Variants in ATG16L2 observed in about 807,000 individuals in gnomAD.
ATG16L2 encodes the protein protein Atg16l2.
In ATG16L2, 77 loss-of-function variants were observed where a neutral mutation model predicts 84.7. The observed-to-expected ratio is 0.91, with a 90% confidence interval of 0.76 to 1.10. The LOEUF (loss-of-function observed/expected upper bound fraction) is 1.10, where lower values mean the gene tolerates loss of function less well. Among genes scored for constraint, ATG16L2 ranks in the 50% least tolerant of loss-of-function variants. ATG16L2 has a pLI of 0.00. For synonymous variants in ATG16L2, 361 were observed against 342.8 expected, an observed-to-expected ratio of 1.05 and a Z score of -0.59; for missense variants, 782 against 817.6, an observed-to-expected ratio of 0.96 and a Z score of 0.53.
At chr11:72,828,280 C>T in intron 14 of ATG16L2, 79 bp from the exon 15 acceptor site, 2 of 1,541,138 alleles carry the variant, frequency 1.3e-6, no homozygotes, top group Non-Finnish European at 8.9e-7. Context: ...GCTAGGAAGG[C>T]TGCTGCGCCT....
chr11:72,842,906 C>T (rs1005331492), exon 6 of ATG16L2: 2 of 1,234,732 alleles, frequency 1.6e-6, no homozygotes, highest in Non-Finnish European at 2.3e-6. Context: ...TGCAACCACC[C>T]CTATGCTCAC....
chr11:72,840,778 T>C lies in ATG16L2; in HGVS notation c.*22-1839T>C, dbSNP rs59059938. 7,607 of 826,002 alleles carry C rather than the reference T, an allele frequency of 9.2e-3. 420 individuals carry two copies. The African/African-American group carries it at 0.12, about 13-fold the overall frequency. The allele number at this position is 826,002 out of a possible 1,614,324, so 51.2% of individuals were successfully genotyped here. Reference sequence around the variant, plus strand: ...AAACCCAGTTCATCCTTGTTTGGCATAGTCAGTAACAACACAGGGGCCACG... The same window carrying C: ...AAACCCAGTTCATCCTTGTTTGGCACAGTCAGTAACAACACAGGGGCCACG... On this transcript the variant is annotated intron_variant, in intron 5 of 5. Transcript: ENST00000534905.
At chr11:72,823,418 TGGG>T in intron 7 of ATG16L2, 1 of 334,208 alleles carries the variant, frequency 3.0e-6, no homozygotes, top group South Asian at 2.3e-5. Context: ...CTCACACTTG[TGGG>T]ACCTGATTGG....
intron 8 of ATG16L2, 165 bp downstream of exon 8, chr11:72,824,287 C>T: frequency 1.3e-6 from 1 of 770,772 alleles, no homozygotes; most frequent in Non-Finnish European, 2.2e-6. Flanking sequence ...GGCCTCAGCC[C>T]CGGCCCCGGT....
Position 72,816,076 on chromosome 11 carries a change from T to A in ATG16L2, c.119-652T>A, listed in dbSNP as rs1176572098. The stretch of plus-strand genomic sequence containing the variant: ...TCACTGCAAGCTCTGCCTCCCAAGT[T>A]CACGCCTGTCTCCCGTCTCAGCCTC... On this transcript the variant is annotated intron_variant, in intron 1 of 17. Transcript: ENST00000321297. 8 of 152,594 alleles carry A rather than the reference T, an allele frequency of 5.2e-5. No homozygotes were observed. In the East Asian group the frequency reaches 1.5e-3, roughly 29 times the overall value. 9.5% of individuals were successfully genotyped at this position (152,594 alleles called of 1,614,324 possible). A position where few individuals can be genotyped will look rare whatever the true frequency, so the allele number is the denominator to read the frequency against.
At chr11:72,829,678 C>T (rs550910665), downstream of ATG16L2, 6 of 1,142,818 alleles carry the variant, frequency 5.3e-6, no homozygotes, top group Middle Eastern at 3.7e-4. Flanking sequence ...GTACAGAGAC[C>T]TTTGGGCTAG....
chr11:72,827,512 G>A (rs562368470), intron 14 of ATG16L2, among the ~76,000 whole-genome samples: 47 of 152,328 alleles, frequency 3.1e-4, no homozygotes, highest in African/African-American at 1.1e-3. Context: ...GCTGGACTCC[G>A]CCTGGACCTT....
In ATG16L2 at chr11:72,823,162, C is replaced by G. The variant is rs530992036; in HGVS notation, c.824+201C>G. The G allele has an allele frequency of 5.6e-6, 3 of 534,990 alleles. No individual in the cohort carries two copies. In the African/African-American group the frequency reaches 5.8e-5, roughly 10 times the overall value. 33.1% of individuals were successfully genotyped at this position (534,990 alleles called of 1,614,324 possible). A position where few individuals can be genotyped will look rare whatever the true frequency, so the allele number is the denominator to read the frequency against. ...GGTCAGTTCCATCTCACCCCCCCAA[C>G]CCCTACCCTCAACCCTTTCCCTCCT... On this transcript the variant is annotated intron_variant, in intron 7 of 17. Transcript: ENST00000321297.
chr11:72,842,129 T>C (rs1171688094), intron 5 of ATG16L2, among the ~76,000 whole-genome samples: 2 of 152,174 alleles, frequency 1.3e-5, no homozygotes, highest in Non-Finnish European at 2.9e-5. Context: ...TTAAAGGCTG[T>C]TTCCCTGTGA....
At chr11:72,843,141 C>G (rs747796955) in exon 6 of ATG16L2, 2 of 1,613,502 alleles carry the variant, frequency 1.2e-6, no homozygotes. Flanking sequence ...TGCCTTGTTT[C>G]AGTCTTTACC....
intron 10 of ATG16L2, among the ~76,000 whole-genome samples, 171 bp downstream of exon 10, chr11:72,825,578 T>A (rs1304591692): frequency 1.3e-5 from 2 of 152,168 alleles, no homozygotes; most frequent in South Asian, 2.1e-4. Context: ...GGCTCACTGT[T>A]CTGAAGAAGG....
At chr11:72,826,880 G>A in intron 13 of ATG16L2, 57 bp downstream of exon 13, 3 of 1,588,088 alleles carry the variant, frequency 1.9e-6, no homozygotes, top group Non-Finnish European at 2.6e-6. Flanking sequence ...CCCCAGGCCA[G>A]GGCACAAGGG....
In ATG16L2 at chr11:72,822,673, G is replaced by T. The variant is rs531002879; in HGVS notation, c.710+130G>T. ...AGGCCCCCATGTGGTCGGAGCCCAC[G>T]AGACACCTGCAGAGGACCGTGTGGT... On this transcript the variant is annotated intron_variant, in intron 6 of 17. Transcript: ENST00000321297. This position sits in a 1 kb window ranked among gnomAD's most constrained non-coding sequence, Gnocchi z 4.2. The T allele has an allele frequency of 5.8e-5, 73 of 1,257,564 alleles. No homozygotes were observed. Among genetic ancestry groups the T allele is most frequent in the Non-Finnish European group, 7.7e-5 (70 of 903,776 alleles). The allele number at this position is 1,257,564 out of a possible 1,614,324, so 77.9% of individuals were successfully genotyped here.
intron 14 of ATG16L2, 131 bp from the exon 15 acceptor site, chr11:72,828,228 C>A: frequency 2.0e-6 from 2 of 997,654 alleles, no homozygotes; most frequent in South Asian, 1.6e-5. Context: ...GCAGCCTTTA[C>A]CCCAGCGATC....
At position 72,829,000 on chromosome 11, in the gene ATG16L2, A is replaced by T. The variant is rs1223067561; in HGVS notation, c.1772+16A>T. 6.2e-7 allele frequency: 1 copy of T among 1,610,750 alleles called. No homozygotes were observed. The highest frequency in any genetic ancestry group is 8.5e-7 in the Non-Finnish European group (1 of 1,177,180). Reference sequence around the variant, plus strand: ...GACCCCATTGGTGAGCATGGCCTCCACCTGGCCACCTGCCTGGCCCCAGTC... The same window carrying T: ...GACCCCATTGGTGAGCATGGCCTCCTCCTGGCCACCTGCCTGGCCCCAGTC... On this transcript the variant is annotated intron_variant, in intron 17 of 17. Coordinates refer to ENST00000321297, the MANE Select transcript of ATG16L2 (RefSeq NM_033388.2).
chr11:72,822,552 G>C lies in ATG16L2; in HGVS notation c.710+9G>C. 6.2e-7 allele frequency: 1 copy of C among 1,612,482 alleles called. No individual in the cohort carries two copies. The highest frequency in any genetic ancestry group is 8.5e-7 in the Non-Finnish European group (1 of 1,179,370). On this transcript the variant is annotated intron_variant, in intron 6 of 17. Transcript: ENST00000321297. This position sits in a 1 kb window ranked among gnomAD's most constrained non-coding sequence, Gnocchi z 4.2. The stretch of plus-strand genomic sequence containing the variant: ...ACCGTGAGCATCAGCGAGTAAGAGT[G>C]GGGATGGGCCGGTCCGACCCTTGCG...
rs776932302 is a variant in ATG16L2 at position 72,817,760 on chromosome 11, G to A, written c.223G>A (p.Glu75Lys). Residue 75 changes from glutamate (E) to lysine (K), a missense_variant, in exon 3 of 18, where the codon GAG becomes AAG. Physicochemically the swap from Glu to Lys is moderately conservative, Grantham distance 56. Transcript: ENST00000321297. ...ACCACTCTGATTGGTTGGCAGGGAGGAGTCAGAGCTTGACTCAGACCAAGT... is the reference window on the plus strand; with the variant it reads ...ACCACTCTGATTGGTTGGCAGGGAGAAGTCAGAGCTTGACTCAGACCAAGT... Reference protein sequence around the residue: ...TPTTHQGPWEESELDSDQVPS... With the variant: ...TPTTHQGPWEKSELDSDQVPS... The A allele has an allele frequency of 3.7e-6, 6 of 1,613,724 alleles. 1 individual carries two copies. The South Asian group carries it at 6.6e-5, about 18-fold the overall frequency.
rs771165970 is a variant in ATG16L2, at chr11:72,826,663, T to C, written c.1246-40T>C. 4 of 1,613,968 alleles carry C rather than the reference T, an allele frequency of 2.5e-6. No individual in the cohort carries two copies. The East Asian group carries it at 6.7e-5, about 27-fold the overall frequency. ...GGACTAGGGGGCCTGTTATGGGGTCTTGGCCAAACTCTTGATCCGTACCTG... is the reference window on the plus strand; with the variant it reads ...GGACTAGGGGGCCTGTTATGGGGTCCTGGCCAAACTCTTGATCCGTACCTG... On this transcript the variant is annotated intron_variant, in intron 12 of 17. Coordinates refer to ENST00000321297, the MANE Select transcript of ATG16L2 (RefSeq NM_033388.2).
chr11:72,842,700 A>G (rs1254664191), exon 6 of ATG16L2: 2 of 1,614,050 alleles, frequency 1.2e-6, no homozygotes, highest in East Asian at 2.2e-5. Context: ...GAAAACTCCA[A>G]TACGCCCATT....
Sources: gnomAD v4.1 joint callset for allele counts (sites outside exome capture counted in the v4.1 genomes callset) on GRCh38, gnomAD v4.1.1 for gene constraint, Gnocchi (gnomAD v3.1) non-coding constraint, MANE v1.5 for transcripts, NCBI Gene and HGNC (gene_info 2026-07-23, HGNC 2026-07-21) for gene names.